RUFY3: variants seen among roughly 807,000 people sequenced by gnomAD.
RUFY3 encodes protein RUFY3.
In RUFY3, 34 loss-of-function variants were observed where a neutral mutation model predicts 84.0. That is an observed-to-expected ratio of 0.40 (90% confidence interval 0.31 to 0.54). The LOEUF (loss-of-function observed/expected upper bound fraction) is 0.54, where lower values mean the gene tolerates loss of function less well. RUFY3 is among the 20% of genes least tolerant of loss of function. The pLI, the probability that RUFY3 is intolerant of heterozygous loss-of-function variation, is 0.39. For synonymous variants in RUFY3, 242 were observed against 252.9 expected, an observed-to-expected ratio of 0.96 and a Z score of 0.41; for missense variants, 507 against 736.8, an observed-to-expected ratio of 0.69 and a Z score of 3.61.
intron 14 of RUFY3, among the ~76,000 whole-genome samples, chr4:70,798,933 C>G (rs1273594785): frequency 6.7e-6 from 1 of 149,508 alleles, no homozygotes; most frequent in African/African-American, 2.5e-5. Context: ...GGCAGACTAC[C>G]TGGGTCGGGA....
chr4:70,728,863 G>A (rs1718740572), intron 1 of RUFY3, among the ~76,000 whole-genome samples: 1 of 150,612 alleles, frequency 6.6e-6, no homozygotes, highest in Non-Finnish European at 1.5e-5. Context: ...GAAATTTGTT[G>A]TGGAGATTTG....
At chr4:70,707,861 A>G (rs868037178) in intron 1 of RUFY3, among the ~76,000 whole-genome samples, 1 of 152,232 alleles carries the variant, frequency 6.6e-6, no homozygotes, top group African/African-American at 2.4e-5. Context: ...CACTCTAGAT[A>G]TGAATAAAAA....
intron 12 of RUFY3, chr4:70,793,459 G>A (rs1469677112): frequency 8.8e-7 from 1 of 1,138,178 alleles, no homozygotes; most frequent in Non-Finnish European, 1.1e-6. Context: ...GTGTACTTGA[G>A]GTTGGCTTTG....
In RUFY3 at chr4:70,784,856, AAAG is replaced by A. The variant is rs1729526014; in HGVS notation, c.1053_1055del (p.Glu352del). ...ACTAAGTGAAGCAAGAAAGCATTTA[AAAG>A]AAGAGACACAATTACGATTGGTAAA... On this transcript the variant is annotated inframe_deletion, in exon 10 of 18. Transcript: ENST00000381006. 1.4e-5 allele frequency: 22 copies of A among 1,606,086 alleles called. No individual in the cohort carries two copies. The highest frequency in any genetic ancestry group is 1.8e-5 in the Non-Finnish European group (21 of 1,176,578).
chr4:70,723,363 G>A (rs987860313), intron 1 of RUFY3, among the ~76,000 whole-genome samples: 1 of 152,132 alleles, frequency 6.6e-6, no homozygotes, highest in Non-Finnish European at 1.5e-5. Context: ...GCCTGGAAAG[G>A]TTAAATATGA....
At chr4:70,718,805 C>T (rs1741942802), upstream of RUFY3, among the ~76,000 whole-genome samples, 1 of 152,070 alleles carries the variant, frequency 6.6e-6, no homozygotes, top group African/African-American at 2.4e-5. Flanking sequence ...GCAACCCCCG[C>T]CTCCCAGGTT....
chr4:70,728,214 A>G (rs1718616563), intron 1 of RUFY3, among the ~76,000 whole-genome samples: 1 of 152,202 alleles, frequency 6.6e-6, no homozygotes, highest in Non-Finnish European at 1.5e-5. Context: ...TAGAAGACTT[A>G]AATTAGCCAA....
At chr4:70,790,372 G>A (rs571426378) in intron 12 of RUFY3, among the ~76,000 whole-genome samples, 129 of 152,294 alleles carry the variant, frequency 8.5e-4, no homozygotes, top group African/African-American at 2.9e-3. Flanking sequence ...CTTAACACCT[G>A]TTTGTCACCC....
chr4:70,776,443 A>G (rs78943014), intron 7 of RUFY3, among the ~76,000 whole-genome samples: 1,555 of 152,158 alleles, frequency 0.01, 23 homozygotes, highest in African/African-American at 0.034. Flanking sequence ...TGGCTATTCT[A>G]TATCTGAGCA....
At chr4:70,720,017 C>T (rs1229829424), upstream of RUFY3, among the ~76,000 whole-genome samples, 2 of 152,036 alleles carry the variant, frequency 1.3e-5, no homozygotes, top group Non-Finnish European at 2.9e-5. Flanking sequence ...ACTGATTTTC[C>T]CCAATTATAA....
Position 70,762,606 on chromosome 4 carries a change from A to C in RUFY3, c.266A>C (p.Asn89Thr). 6.2e-7 allele frequency: 1 copy of C among 1,614,008 alleles called. No individual in the cohort carries two copies. The highest frequency in any genetic ancestry group is 8.5e-7 in the Non-Finnish European group (1 of 1,179,958). The change falls in exon 2 of 18, where the codon AAC becomes ACC. Residue 89 changes from asparagine (N) to threonine (T), a missense_variant. Physicochemically the swap from Asn to Thr is moderately conservative, Grantham distance 65. Coordinates refer to ENST00000381006, the MANE Select transcript of RUFY3 (RefSeq NM_001037442.4). Reference sequence around the variant, plus strand: ...AAGGGCTTGATTGAATCAGCTCTGAACCTGGGGAGGACTCTTGACTCTGAC... The same window carrying C: ...AAGGGCTTGATTGAATCAGCTCTGACCCTGGGGAGGACTCTTGACTCTGAC... ...SIKGLIESALNLGRTLDSDYA... is the reference protein window; with the variant it reads ...SIKGLIESALTLGRTLDSDYA...
At chr4:70,773,611 T>C (rs1450470829) in intron 6 of RUFY3, 39 bp downstream of exon 6, 2 of 1,441,896 alleles carry the variant, frequency 1.4e-6, no homozygotes, top group Admixed American at 3.4e-5. Flanking sequence ...TCTCCTGATG[T>C]AGCATTTTTT....
At chr4:70,800,266 G>T in intron 15 of RUFY3, 61 bp downstream of exon 15, 1 of 1,354,800 alleles carries the variant, frequency 7.4e-7, no homozygotes, top group South Asian at 1.3e-5. Context: ...GGGAAGGAGG[G>T]AGTTCTTTAT....
chr4:70,791,875 G>A (rs1438678765), intron 12 of RUFY3: 2 of 984,614 alleles, frequency 2.0e-6, no homozygotes, highest in African/African-American at 3.5e-5. Context: ...CAGTAACCAA[G>A]ATTGCTTGCA....
At chr4:70,760,134 C>T (rs1299739600) in intron 1 of RUFY3, among the ~76,000 whole-genome samples, 3 of 152,152 alleles carry the variant, frequency 2.0e-5, no homozygotes, top group South Asian at 2.1e-4. Context: ...TTCCCATAGA[C>T]GCTAGTTAAC....
chr4:70,711,064 G>GA (rs950005722), intron 1 of RUFY3, among the ~76,000 whole-genome samples: 1,330 of 53,926 alleles, frequency 0.025, 87 homozygotes, highest in African/African-American at 0.044. Flanking sequence ...ACTCCGTCTG[G>GA]AAAAAAAAAA....
chr4:70,765,661 A>G lies in RUFY3; in HGVS notation c.572+1085A>G, dbSNP rs367661415. 2.8e-4 allele frequency among the ~76,000 whole-genome samples: 42 copies of G among 152,344 alleles called. 4 individuals carry two copies. Among genetic ancestry groups the G allele is most frequent in the Admixed American group, 2.0e-3 (31 of 15,292 alleles). On this transcript the variant is annotated intron_variant, in intron 4 of 17. Transcript: ENST00000381006. ...ACTCAGTTTCCTTCAGAGGCTATCA[A>G]AGAACAAAAATAGCATGTGATCAGT...
chr4:70,768,007 T>A (rs926639690), intron 4 of RUFY3, among the ~76,000 whole-genome samples: 6 of 152,106 alleles, frequency 3.9e-5, no homozygotes, highest in African/African-American at 1.4e-4. Flanking sequence ...AGATTTTTTT[T>A]TGTTTTTAGT....
intron 12 of RUFY3, chr4:70,792,008 G>A: frequency 1.0e-6 from 1 of 984,970 alleles, no homozygotes; most frequent in Non-Finnish European, 1.2e-6. Context: ...TAATAATGTG[G>A]ACGCCTGGGG....
Sources: allele counts gnomAD v4.1 joint callset (sites outside exome capture counted in the v4.1 genomes callset), GRCh38; gene constraint gnomAD v4.1.1; transcripts MANE v1.5; gene names NCBI Gene and HGNC (gene_info 2026-07-23, HGNC 2026-07-21).